MIB1: variants seen among roughly 807,000 people sequenced by gnomAD.
The protein encoded by MIB1 is E3 ubiquitin-protein ligase MIB1.
MIB1 carries 278 observed loss-of-function variants against 124.5 expected under a neutral mutation model. The ratio of observed to expected loss-of-function variants is 2.23; its 90% CI spans 2.02 to 2.47. The LOEUF is 2.47. Ranked by LOEUF, MIB1 falls within the 30% of genes most tolerant of loss-of-function variation. The probability of loss-of-function intolerance (pLI) is 0.00; values close to 1 mark genes in which losing one functional copy is unlikely to be tolerated. For synonymous variants in MIB1, 446 were observed against 429.4 expected, an observed-to-expected ratio of 1.04 and a Z score of -0.48; for missense variants, 957 against 1,254.4, an observed-to-expected ratio of 0.76 and a Z score of 3.58.
At chr18:21,799,202 C>T (rs2041621963) in intron 8 of MIB1, among the ~76,000 whole-genome samples, 1 of 151,962 alleles carries the variant, frequency 6.6e-6, no homozygotes, top group Non-Finnish European at 1.5e-5. Context: ...GGAGTTAGAG[C>T]TTTGTAGCTT....
chr18:21,782,559 T>G (rs1296383033), intron 6 of MIB1, among the ~76,000 whole-genome samples: 1 of 152,210 alleles, frequency 6.6e-6, no homozygotes, highest in Non-Finnish European at 1.5e-5. Context: ...CTTAATTTCT[T>G]TATTGACGCT....
At chr18:21,792,255 C>G (rs1427705248) in intron 7 of MIB1, among the ~76,000 whole-genome samples, 3 of 152,114 alleles carry the variant, frequency 2.0e-5, no homozygotes, top group Admixed American at 1.3e-4. Flanking sequence ...TCTCATCCAG[C>G]CTCTCAGTTC....
intron 12 of MIB1, among the ~76,000 whole-genome samples, chr18:21,822,853 G>A (rs571333138): frequency 1.3e-5 from 2 of 152,044 alleles, no homozygotes; most frequent in Non-Finnish European, 2.9e-5. Flanking sequence ...TAATCCCAGC[G>A]ACTTAGGAGG....
At chr18:21,819,186 C>T (rs2041857345) in intron 11 of MIB1, among the ~76,000 whole-genome samples, 1 of 152,126 alleles carries the variant, frequency 6.6e-6, no homozygotes, top group South Asian at 2.1e-4. Context: ...TATAGGTGCA[C>T]ACCGCCGTGC....
intron 7 of MIB1, among the ~76,000 whole-genome samples, chr18:21,796,008 G>T (rs991759714): frequency 6.6e-6 from 1 of 152,136 alleles, no homozygotes; most frequent in African/African-American, 2.4e-5. Flanking sequence ...TCTTGAATTT[G>T]AATGAAAAGA....
intron 3 of MIB1, 67 bp from the exon 4 acceptor site, chr18:21,773,557 T>C: frequency 1.0e-6 from 1 of 964,096 alleles, no homozygotes; most frequent in Non-Finnish European, 1.6e-6. Context: ...TTAAATGTAA[T>C]AATTAAAAGA....
chr18:21,756,651 A>G (rs2041035120), intron 1 of MIB1, among the ~76,000 whole-genome samples: 1 of 152,074 alleles, frequency 6.6e-6, no homozygotes, highest in East Asian at 1.9e-4. Context: ...TTTAGTAAAG[A>G]TGGGGTTTCG....
intron 1 of MIB1, among the ~76,000 whole-genome samples, chr18:21,711,772 C>T (rs1440033061): frequency 6.6e-6 from 1 of 152,176 alleles, no homozygotes; most frequent in Non-Finnish European, 1.5e-5. Context: ...TGGCTTACTG[C>T]AGCCTCGACC....
At chr18:21,708,306 G>A (rs977446398) in intron 1 of MIB1, among the ~76,000 whole-genome samples, 1 of 152,164 alleles carries the variant, frequency 6.6e-6, no homozygotes, top group Non-Finnish European at 1.5e-5. Flanking sequence ...TGATTGAGAT[G>A]GAGGTTGTCC....
Position 21,779,644 on chromosome 18 carries a change from T to TG in MIB1, c.868dup (p.Glu290GlyfsTer4). 6.2e-7 allele frequency: 1 copy of TG among 1,614,130 alleles called. No homozygotes were observed. The highest frequency in any genetic ancestry group is 1.3e-5 in the African/African-American group (1 of 75,048). ...CAACTGGAACTGTTTGTGGCATTGA[T>TG]GAAGATCATGACATTGTAGTACAGT... On this transcript the variant is annotated frameshift_variant, in exon 6 of 21. Coordinates refer to ENST00000261537, the MANE Select transcript of MIB1 (RefSeq NM_020774.4). LOFTEE classifies it high-confidence loss of function.
In MIB1 at chr18:21,741,012, G is replaced by T. The variant is rs568543436; in HGVS notation, c.-572G>T. 1.3e-5 allele frequency among the ~76,000 whole-genome samples: 2 copies of T among 151,338 alleles called. No homozygotes were observed. Among genetic ancestry groups the T allele is most frequent in the Non-Finnish European group, 3.0e-5 (2 of 67,752 alleles). On this transcript the variant is annotated 5_prime_UTR_variant, in exon 1 of 21. Coordinates refer to ENST00000261537, the MANE Select transcript of MIB1 (RefSeq NM_020774.4). This position sits in a 1 kb window ranked among gnomAD's most constrained non-coding sequence, Gnocchi z 5.4. The stretch of plus-strand genomic sequence containing the variant: ...CGGGGCGGAGCGCGGCGGCTGGTGC[G>T]GGGGCAGAGAGAAGGGGGCCTGAGG...
At chr18:21,802,611 G>C (rs1460337559) in intron 9 of MIB1, among the ~76,000 whole-genome samples, 2 of 152,046 alleles carry the variant, frequency 1.3e-5, no homozygotes, top group African/African-American at 4.8e-5. Flanking sequence ...ATTTTCTTGT[G>C]CCTGCTTAAG....
intron 1 of MIB1, among the ~76,000 whole-genome samples, chr18:21,718,867 A>G (rs943423506): frequency 6.6e-6 from 1 of 152,270 alleles, no homozygotes; most frequent in African/African-American, 2.4e-5. Context: ...TCTAGTCAAC[A>G]TAGTGAGACC....
intron 4 of MIB1, among the ~76,000 whole-genome samples, chr18:21,774,154 T>A (rs1377657264): frequency 6.6e-6 from 1 of 152,236 alleles, no homozygotes; most frequent in African/African-American, 2.4e-5. Flanking sequence ...TCTCCACCCC[T>A]TGGTATTTTT....
intron 12 of MIB1, among the ~76,000 whole-genome samples, chr18:21,834,467 G>T (rs533020017): frequency 6.6e-5 from 10 of 152,262 alleles, no homozygotes; most frequent in Non-Finnish European, 1.5e-4. Flanking sequence ...ATAGTTTAGA[G>T]ATACGGAAAT....
At chr18:21,786,296 A>G (rs1447069689) in intron 6 of MIB1, among the ~76,000 whole-genome samples, 1 of 152,090 alleles carries the variant, frequency 6.6e-6, no homozygotes, top group East Asian at 1.9e-4. Flanking sequence ...ACGAGGTTTC[A>G]CCATGTTAGC....
At chr18:21,786,820 C>G (rs1255290825) in intron 6 of MIB1, among the ~76,000 whole-genome samples, 1 of 152,102 alleles carries the variant, frequency 6.6e-6, no homozygotes, top group African/African-American at 2.4e-5. Flanking sequence ...TGTTAAATTT[C>G]TCTGATAAAT....
chr18:21,798,938 T>G (rs1339590560), intron 8 of MIB1, among the ~76,000 whole-genome samples: 1 of 152,156 alleles, frequency 6.6e-6, no homozygotes, highest in Non-Finnish European at 1.5e-5. Context: ...ATTTTTGTCC[T>G]GCTTTCTGCT....
At chr18:21,787,724 G>C (rs2041452725) in intron 6 of MIB1, among the ~76,000 whole-genome samples, 1 of 151,040 alleles carries the variant, frequency 6.6e-6, no homozygotes, top group African/African-American at 2.4e-5. Flanking sequence ...CTTGAGTTCT[G>C]GGATATTGCT....
Sources: allele counts gnomAD v4.1 joint callset (sites outside exome capture counted in the v4.1 genomes callset), GRCh38; gene constraint gnomAD v4.1.1; non-coding constraint Gnocchi (gnomAD v3.1); transcripts MANE v1.5; gene names NCBI Gene and HGNC (gene_info 2026-07-23, HGNC 2026-07-21).